The following GUCY1A2 variants were observed in gnomAD, a reference collection of about 807,000 sequenced individuals.
GUCY1A2 encodes the protein guanylate cyclase 1 soluble subunit alpha 2, also known as guanylate cyclase soluble subunit alpha-2.
A neutral mutation model predicts 63.5 loss-of-function variants in GUCY1A2; 27 were observed. That is an observed-to-expected ratio of 0.43 (90% CI 0.31 to 0.59). GUCY1A2 has a LOEUF of 0.59. Among genes scored for constraint, GUCY1A2 ranks in the 20% least tolerant of loss-of-function variants. GUCY1A2 has a pLI of 0.11. For synonymous variants in GUCY1A2, 364 were observed against 343.5 expected (o/e 1.06, Z -0.66); for missense variants, 768 against 913.3 (o/e 0.84, Z 2.05).
At chr11:106,804,342 TAA>T (rs1197294552) in intron 5 of GUCY1A2, among the ~76,000 whole-genome samples, 3 of 152,188 alleles carry the variant, frequency 2.0e-5, no homozygotes, top group Non-Finnish European at 4.4e-5. Flanking sequence ...CACTGATCAT[TAA>T]AAGAGAAAAT....
At chr11:107,008,475 G>A (rs1861702231) in intron 1 of GUCY1A2, among the ~76,000 whole-genome samples, 1 of 152,036 alleles carries the variant, frequency 6.6e-6, no homozygotes, top group Admixed American at 6.6e-5. Flanking sequence ...AGAACAGTCA[G>A]ATAAAATAAT....
chr11:106,701,344 A>C (rs1236090721), intron 7 of GUCY1A2, among the ~76,000 whole-genome samples: 1 of 152,144 alleles, frequency 6.6e-6, no homozygotes, highest in Non-Finnish European at 1.5e-5. Context: ...AGACACTCCA[A>C]ATAAACACGT....
At position 106,926,718 on chromosome 11, in the gene GUCY1A2, C is replaced by G. The variant is rs923004548; in HGVS notation, c.1206+12742G>C. 2.6e-5 allele frequency among the ~76,000 whole-genome samples: 4 copies of G among 151,740 alleles called. No homozygotes were observed. The South Asian group carries it at 8.4e-4, about 32-fold the overall frequency. ...AGAAGCAGCCCCATAAACCGAGTATCGGCAGTGCCCCGGAGGTCACACTGT... is the reference window on the plus strand; with the variant it reads ...AGAAGCAGCCCCATAAACCGAGTATGGGCAGTGCCCCGGAGGTCACACTGT... On this transcript the variant is annotated intron_variant, in intron 4 of 7. Coordinates refer to ENST00000526355, the MANE Select transcript of GUCY1A2 (RefSeq NM_000855.3).
intron 4 of GUCY1A2, among the ~76,000 whole-genome samples, chr11:106,930,382 T>C (rs1478596070): frequency 2.0e-5 from 3 of 152,174 alleles, no homozygotes; most frequent in East Asian, 3.9e-4. Flanking sequence ...TGGAGTGCAG[T>C]GGTGCGATCC....
chr11:106,766,221 A>C (rs1267239245), intron 6 of GUCY1A2, among the ~76,000 whole-genome samples: 1 of 152,116 alleles, frequency 6.6e-6, no homozygotes, highest in Non-Finnish European at 1.5e-5. Flanking sequence ...TGTCTCAAAA[A>C]TTCAATTGTA....
At position 106,905,081 on chromosome 11, in the gene GUCY1A2, G is replaced by T. The variant is rs545370190; in HGVS notation, c.1206+34379C>A. On this transcript the variant is annotated intron_variant, in intron 4 of 7. Transcript: ENST00000526355. ...CTAACCATGAATGTAAGGCACTGAG[G>T]TGGCTAGAAAAGGTAGTTGCCATTT... is the stretch of plus-strand genomic sequence containing the variant. Among the ~76,000 whole-genome samples, 33 of 152,230 alleles carry T rather than the reference G, an allele frequency of 2.2e-4. 1 individual carries two copies. The South Asian group carries it at 6.6e-3, about 31-fold the overall frequency.
chr11:106,777,103 C>T (rs1380198606), intron 5 of GUCY1A2, among the ~76,000 whole-genome samples: 1 of 152,164 alleles, frequency 6.6e-6, no homozygotes, highest in Non-Finnish European at 1.5e-5. Context: ...ACCATTGCGT[C>T]AACCACTTTA....
chr11:106,913,852 G>A (rs1860329112), intron 4 of GUCY1A2, among the ~76,000 whole-genome samples: 1 of 151,912 alleles, frequency 6.6e-6, no homozygotes, highest in African/African-American at 2.4e-5. Flanking sequence ...ATGCTTGAAG[G>A]CCAAAGTGTT....
intron 4 of GUCY1A2, among the ~76,000 whole-genome samples, chr11:106,931,597 A>G (rs1364564459): frequency 6.6e-6 from 1 of 152,224 alleles, no homozygotes; most frequent in African/African-American, 2.4e-5. Flanking sequence ...ATGTCCATCA[A>G]CTGGTGAATG....
chr11:106,814,391 G>C (rs1450074872), intron 4 of GUCY1A2, among the ~76,000 whole-genome samples: 1 of 152,068 alleles, frequency 6.6e-6, no homozygotes, highest in Non-Finnish European at 1.5e-5. Flanking sequence ...TGCTTTCAAA[G>C]AACTAGCTCT....
intron 7 of GUCY1A2, among the ~76,000 whole-genome samples, chr11:106,691,387 TC>T (rs1380520711): frequency 1.3e-5 from 2 of 152,210 alleles, no homozygotes; most frequent in African/African-American, 2.4e-5. Context: ...GTTCAGTCTT[TC>T]CACAAAGTTT....
rs115435366 is a variant in GUCY1A2 at position 106,773,814 on chromosome 11, T to C, written c.1836+2625A>G. Reference sequence around the variant, plus strand: ...TGTGTCACAAAAATATTCTCCTAATTTGTAGTTGTATTTTAATTTTTTAGT... The same window carrying C: ...TGTGTCACAAAAATATTCTCCTAATCTGTAGTTGTATTTTAATTTTTTAGT... On this transcript the variant is annotated intron_variant, in intron 6 of 7. Coordinates refer to ENST00000526355, the MANE Select transcript of GUCY1A2 (RefSeq NM_000855.3). 4.8e-3 allele frequency among the ~76,000 whole-genome samples: 735 copies of C among 152,292 alleles called. 8 individuals are homozygous for C. The highest frequency in any genetic ancestry group is 0.017 in the African/African-American group (690 of 41,550).
At chr11:106,833,001 G>A (rs12363827) in intron 4 of GUCY1A2, among the ~76,000 whole-genome samples, 30,666 of 151,886 alleles carry the variant, frequency 0.2, 3,336 homozygotes, top group Non-Finnish European at 0.24. Flanking sequence ...ACTGCCATAT[G>A]TATTGGAGGC....
intron 1 of GUCY1A2, among the ~76,000 whole-genome samples, chr11:107,012,352 G>C (rs1461238709): frequency 6.8e-6 from 1 of 148,024 alleles, no homozygotes; most frequent in East Asian, 2.0e-4. Flanking sequence ...GAGAAAAAAA[G>C]AAAATGAAAA....
intron 3 of GUCY1A2, among the ~76,000 whole-genome samples, chr11:106,946,718 A>T (rs545378569): frequency 7.9e-5 from 12 of 152,296 alleles, no homozygotes; most frequent in Admixed American, 3.3e-4. Flanking sequence ...AGCAAAAACA[A>T]TTAGGAATTA....
chr11:106,743,631 G>C (rs1210625453), intron 6 of GUCY1A2, among the ~76,000 whole-genome samples: 1 of 152,064 alleles, frequency 6.6e-6, no homozygotes, highest in Non-Finnish European at 1.5e-5. Context: ...CCTTTCATAT[G>C]CTATCCATAT....
chr11:106,875,446 CAG>C (rs1378253335), intron 4 of GUCY1A2, among the ~76,000 whole-genome samples: 3 of 152,082 alleles, frequency 2.0e-5, no homozygotes, highest in African/African-American at 7.2e-5. Flanking sequence ...CCAAAAGAAA[CAG>C]AAATATTTGA....
chr11:106,898,475 T>C (rs577751648), intron 4 of GUCY1A2, among the ~76,000 whole-genome samples: 2 of 152,178 alleles, frequency 1.3e-5, no homozygotes, highest in South Asian at 4.1e-4. Flanking sequence ...GTAAATACAC[T>C]CTGAACATGC....
At position 106,987,271 on chromosome 11, in the gene GUCY1A2, T is replaced by A. The variant is rs369096250; in HGVS notation, c.304-1140A>T. Reference sequence around the variant, plus strand: ...AATCTGCAGAAAGGGTCTAGCATAGTGCTGATACCTAAGAAGCAGTTAATA... The same window carrying A: ...AATCTGCAGAAAGGGTCTAGCATAGAGCTGATACCTAAGAAGCAGTTAATA... On this transcript the variant is annotated intron_variant, in intron 1 of 7. Transcript: ENST00000526355. Among the ~76,000 whole-genome samples the A allele has an allele frequency of 5.2e-4, 79 of 152,314 alleles. 2 individuals carry two copies. In the South Asian group the frequency reaches 0.016, roughly 32 times the overall value.
Sources: allele counts gnomAD v4.1 joint callset (sites outside exome capture counted in the v4.1 genomes callset), GRCh38; gene constraint gnomAD v4.1.1; transcripts MANE v1.5; gene names NCBI Gene and HGNC (gene_info 2026-07-23, HGNC 2026-07-21).